Variants in NSMCE2 observed in about 807,000 individuals in gnomAD.
NSMCE2 encodes NSE2 SUMO ligase component of SMC5/6 complex.
NSMCE2 carries 24 observed loss-of-function variants against 23.8 expected under a neutral mutation model. The ratio of observed to expected loss-of-function variants is 1.01; its 90% CI spans 0.73 to 1.42. NSMCE2 has a LOEUF of 1.42. Ranked by LOEUF, NSMCE2 falls within the 40% of genes most tolerant of loss-of-function variation. The pLI is 0.00. For synonymous variants in NSMCE2, 92 were observed against 94.1 expected, an observed-to-expected ratio of 0.98 and a Z score of 0.13; for missense variants, 284 against 296.5, an observed-to-expected ratio of 0.96 and a Z score of 0.31.
At chr8:125,115,657 A>G (rs1158541855) in intron 3 of NSMCE2, among the ~76,000 whole-genome samples, 1 of 152,204 alleles carries the variant, frequency 6.6e-6, no homozygotes, top group Non-Finnish European at 1.5e-5. Flanking sequence ...AGGCTGAGGC[A>G]GGAGAATTGC....
intron 5 of NSMCE2, among the ~76,000 whole-genome samples, chr8:125,253,271 C>G (rs1826268754): frequency 6.6e-6 from 1 of 152,194 alleles, no homozygotes; most frequent in South Asian, 2.1e-4. Context: ...TTTGAATTAG[C>G]AGGTGTATGT....
At chr8:125,108,773 C>T (rs1818591170) in intron 3 of NSMCE2, among the ~76,000 whole-genome samples, 1 of 152,190 alleles carries the variant, frequency 6.6e-6, no homozygotes, top group African/African-American at 2.4e-5. Flanking sequence ...ACTAATTCAT[C>T]AGATATGTTG....
rs750227179 is a variant in NSMCE2, at chr8:125,182,094, C to T, written c.265-9C>T. The stretch of plus-strand genomic sequence containing the variant: ...CATTTAACTCAGGTAATTTTGTTGT[C>T]TCCCTTAGGTGAAAGAAGAACGTCC... On this transcript the variant is annotated splice_polypyrimidine_tract_variant and intron_variant, in intron 4 of 7. Coordinates refer to ENST00000287437, the MANE Select transcript of NSMCE2 (RefSeq NM_173685.4). The T allele has an allele frequency of 1.2e-5, 19 of 1,559,492 alleles. No individual in the cohort carries two copies. Among genetic ancestry groups the T allele is most frequent in the Non-Finnish European group, 1.6e-5 (18 of 1,156,582 alleles).
At position 125,256,644 on chromosome 8, in the gene NSMCE2, T is replaced by A. The variant is rs116924795; in HGVS notation, c.418+74388T>A. Among the ~76,000 whole-genome samples, 50 of 151,624 alleles carry A rather than the reference T, an allele frequency of 3.3e-4. No homozygotes were observed. The East Asian group carries it at 7.6e-3, about 23-fold the overall frequency. On this transcript the variant is annotated intron_variant, in intron 5 of 7. Transcript: ENST00000287437. ...ATGTTCAGTTAAAAAAGAAGAGGAC[T>A]GTTGGGTGCGGTGGCTCACGCCTGT...
chr8:125,142,863 A>G (rs10105404), intron 3 of NSMCE2, among the ~76,000 whole-genome samples: 4,148 of 152,226 alleles, frequency 0.027, 174 homozygotes, highest in African/African-American at 0.095. Flanking sequence ...CAGCCTCCCA[A>G]AGTGCTGGGA....
intron 7 of NSMCE2, among the ~76,000 whole-genome samples, chr8:125,365,957 CA>C (rs1813771031): frequency 6.6e-6 from 1 of 152,186 alleles, no homozygotes; most frequent in African/African-American, 2.4e-5. Flanking sequence ...GCTGCAGCCA[CA>C]TAGAGCTTGC....
At chr8:125,160,802 G>GT in intron 4 of NSMCE2, among the ~76,000 whole-genome samples, 1 of 152,154 alleles carries the variant, frequency 6.6e-6, no homozygotes, top group Admixed American at 6.5e-5. Flanking sequence ...GCCCTAAAAT[G>GT]TATTTCTCTC....
At chr8:125,315,018 A>G (rs1563779000) in intron 5 of NSMCE2, among the ~76,000 whole-genome samples, 1 of 152,216 alleles carries the variant, frequency 6.6e-6, no homozygotes, top group African/African-American at 2.4e-5. Context: ...AGGAGATATA[A>G]TTAGGCACAA....
intron 5 of NSMCE2, among the ~76,000 whole-genome samples, chr8:125,307,545 C>T (rs914500618): frequency 5.9e-5 from 9 of 152,184 alleles, no homozygotes; most frequent in African/African-American, 1.9e-4. Context: ...AGATTTTACA[C>T]CTTGTTGTGA....
chr8:125,172,733 T>G (rs1822281302), intron 4 of NSMCE2, among the ~76,000 whole-genome samples: 1 of 152,228 alleles, frequency 6.6e-6, no homozygotes, highest in South Asian at 2.1e-4. Flanking sequence ...GACCAAAAAA[T>G]AAATATGAAT....
At chr8:125,283,257 G>A (rs1827762548) in intron 5 of NSMCE2, among the ~76,000 whole-genome samples, 1 of 152,186 alleles carries the variant, frequency 6.6e-6, no homozygotes, top group Admixed American at 6.5e-5. Context: ...CTTAGAATCA[G>A]GAGATCTGGG....
intron 5 of NSMCE2, among the ~76,000 whole-genome samples, chr8:125,210,620 T>C (rs1022508827): frequency 2.6e-5 from 4 of 152,194 alleles, no homozygotes; most frequent in Admixed American, 6.5e-5. Flanking sequence ...GCCTAAAAAT[T>C]GCCTCATTTT....
chr8:125,109,292 T>G (rs1818617385), intron 3 of NSMCE2, among the ~76,000 whole-genome samples: 1 of 152,202 alleles, frequency 6.6e-6, no homozygotes, highest in Non-Finnish European at 1.5e-5. Context: ...ATTAGCGAGA[T>G]AATATTTTAC....
rs1245189892 is a variant in NSMCE2, at chr8:125,150,405, CT to C, written c.158-759del. On this transcript the variant is annotated intron_variant, in intron 3 of 7. Coordinates refer to ENST00000287437, the MANE Select transcript of NSMCE2 (RefSeq NM_173685.4). ...TCTGATATCTTTGGTTTTCTTTTTT[CT>C]TTTTTTCTTTTCTTTCTTTCTTTTT... 5.7e-5 allele frequency among the ~76,000 whole-genome samples: 6 copies of C among 104,964 alleles called. No individual in the cohort carries two copies. In the South Asian group the frequency reaches 1.6e-3, roughly 27 times the overall value. 68.9% of individuals were successfully genotyped at this position (104,964 alleles called of 152,430 possible).
chr8:125,254,914 G>C (rs1826343411), intron 5 of NSMCE2, among the ~76,000 whole-genome samples: 1 of 152,072 alleles, frequency 6.6e-6, no homozygotes, highest in Non-Finnish European at 1.5e-5. Context: ...AAAATTATTT[G>C]ACACTCTTCT....
At chr8:125,203,941 T>G (rs761730123) in intron 5 of NSMCE2, among the ~76,000 whole-genome samples, 5 of 152,210 alleles carry the variant, frequency 3.3e-5, no homozygotes, top group Non-Finnish European at 7.3e-5. Flanking sequence ...ATTAGTCAGT[T>G]TACTTTCCTA....
At chr8:125,337,500 C>G (rs996189146) in intron 5 of NSMCE2, among the ~76,000 whole-genome samples, 2 of 152,112 alleles carry the variant, frequency 1.3e-5, no homozygotes, top group African/African-American at 4.8e-5. Context: ...ACTTGAAATC[C>G]TAATTTTATT....
chr8:125,124,785 G>A (rs1353468575), intron 3 of NSMCE2, among the ~76,000 whole-genome samples: 3 of 151,890 alleles, frequency 2.0e-5, no homozygotes, highest in Non-Finnish European at 4.4e-5. Flanking sequence ...GCCTCCTCAG[G>A]ATTTTGTTGT....
At chr8:125,285,758 A>ACACG (rs1554631961) in intron 5 of NSMCE2, among the ~76,000 whole-genome samples, 2 of 852 alleles carry the variant, frequency 2.3e-3, no homozygotes, top group Non-Finnish European at 3.6e-3. Flanking sequence ...ATACACACGC[A>ACACG]CACACACACA....
Sources: gnomAD v4.1 joint callset for allele counts (sites outside exome capture counted in the v4.1 genomes callset) on GRCh38, gnomAD v4.1.1 for gene constraint, MANE v1.5 for transcripts, NCBI Gene and HGNC (gene_info 2026-07-23, HGNC 2026-07-21) for gene names.